The following CDIN1 variants were observed in gnomAD, a reference collection of about 807,000 sequenced individuals.
The protein encoded by CDIN1 is CDAN1-interacting nuclease 1.
CDIN1 carries 33 observed loss-of-function variants against 45.3 expected under a neutral mutation model. That is an observed-to-expected ratio of 0.73 (90% CI 0.55 to 0.97). The LOEUF (loss-of-function observed/expected upper bound fraction) is 0.97, where lower values mean the gene tolerates loss of function less well. CDIN1 is among the 50% of genes least tolerant of loss of function. The pLI is 0.00. For synonymous variants in CDIN1, 118 were observed against 124.4 expected (o/e 0.95, Z 0.34); for missense variants, 303 against 339.4 (o/e 0.89, Z 0.84).
At chr15:36,615,142 C>T (rs2038829504) in intron 1 of CDIN1, among the ~76,000 whole-genome samples, 1 of 152,202 alleles carries the variant, frequency 6.6e-6, no homozygotes, top group Admixed American at 6.5e-5. Flanking sequence ...AGCTTACGTA[C>T]AAAACTTTTT....
intron 5 of CDIN1, among the ~76,000 whole-genome samples, chr15:36,680,670 T>A (rs996042403): frequency 1.3e-5 from 2 of 152,162 alleles, no homozygotes; most frequent in East Asian, 3.8e-4. Context: ...AGAGCCGGAA[T>A]TGAGCTTCCA....
At chr15:36,800,903 G>GTATATATATATA (rs1372710724) in intron 10 of CDIN1, among the ~76,000 whole-genome samples, 8 of 20,016 alleles carry the variant, frequency 4.0e-4, no homozygotes, top group African/African-American at 5.0e-4. Context: ...GTGTGTGTGT[G>GTATATATATATA]TGTGTGTATA....
intron 1 of CDIN1, among the ~76,000 whole-genome samples, chr15:36,590,104 G>C (rs2037504794): frequency 6.6e-6 from 1 of 152,148 alleles, no homozygotes; most frequent in African/African-American, 2.4e-5. Flanking sequence ...TCACTTTCAA[G>C]TTACGTCTCT....
At chr15:36,666,727 T>C (rs1013129113) in intron 5 of CDIN1, among the ~76,000 whole-genome samples, 4 of 152,212 alleles carry the variant, frequency 2.6e-5, no homozygotes, top group Admixed American at 2.6e-4. Context: ...CATTTCTTGG[T>C]TCCCATTATG....
chr15:36,630,814 AGAG>A (rs955221727), intron 1 of CDIN1, among the ~76,000 whole-genome samples: 4 of 152,068 alleles, frequency 2.6e-5, no homozygotes, highest in East Asian at 3.9e-4. Flanking sequence ...ACATGGTGAG[AGAG>A]GAGGAGGAGG....
intron 5 of CDIN1, among the ~76,000 whole-genome samples, chr15:36,679,010 C>A (rs1018132713): frequency 6.6e-6 from 1 of 152,178 alleles, no homozygotes; most frequent in Non-Finnish European, 1.5e-5. Context: ...GGGGAAAATT[C>A]TTCTATTATG....
At position 36,764,220 on chromosome 15, in the gene CDIN1, T is replaced by G. The variant is rs866357628; in HGVS notation, c.717-44104T>G. On this transcript the variant is annotated intron_variant, in intron 10 of 10. Coordinates refer to ENST00000566621, the MANE Select transcript of CDIN1 (RefSeq NM_001321759.2). ...TTTTCTTTCTGTGGTTTTGGTTTTT[T>G]TTTTTTTTTTTTTGTCATTGTGAAA... Among the ~76,000 whole-genome samples, 1,108 of 119,904 alleles carry G rather than the reference T, an allele frequency of 9.2e-3. 18 individuals are homozygous for G. Among genetic ancestry groups the G allele is most frequent in the African/African-American group, 0.031 (1,051 of 34,442 alleles). The allele number at this position is 119,904 out of a possible 152,430, so 78.7% of individuals were successfully genotyped here. A position where few individuals can be genotyped will look rare whatever the true frequency, so the allele number is the denominator to read the frequency against.
At chr15:36,774,000 C>T (rs985382099) in intron 10 of CDIN1, among the ~76,000 whole-genome samples, 4 of 152,146 alleles carry the variant, frequency 2.6e-5, no homozygotes, top group Admixed American at 6.5e-5. Context: ...AGTTGAACTG[C>T]GAAGAGATTT....
chr15:36,670,270 CAT>C (rs1457342829), intron 5 of CDIN1, among the ~76,000 whole-genome samples: 1 of 152,028 alleles, frequency 6.6e-6, no homozygotes, highest in Non-Finnish European at 1.5e-5. Context: ...ACTGAGCAAA[CAT>C]ATATCCTTGT....
chr15:36,745,429 A>G (rs1215950689), intron 10 of CDIN1, among the ~76,000 whole-genome samples: 1 of 152,154 alleles, frequency 6.6e-6, no homozygotes, highest in Non-Finnish European at 1.5e-5. Flanking sequence ...TGGTCTCATT[A>G]TTATTTTAAA....
At position 36,809,685 on chromosome 15, in the gene CDIN1, T is replaced by C. The variant is rs1020026970; in HGVS notation, c.*1232T>C. The C allele has an allele frequency of 2.0e-5, 3 of 152,200 alleles. No homozygotes were observed. Among genetic ancestry groups the C allele is most frequent in the Admixed American group, 6.5e-5 (1 of 15,280 alleles). 9.4% of individuals were successfully genotyped at this position (152,200 alleles called of 1,614,324 possible). A position where few individuals can be genotyped will look rare whatever the true frequency, so the allele number is the denominator to read the frequency against. ...ACATAACAACTTTTATAATGTTGAA[T>C]AGATGATATGGGAAATACTAATAAC... On this transcript the variant is annotated 3_prime_UTR_variant, in exon 11 of 11. Transcript: ENST00000566621.
chr15:36,747,764 A>G (rs74008763), intron 10 of CDIN1, among the ~76,000 whole-genome samples: 2,729 of 152,278 alleles, frequency 0.018, 60 homozygotes, highest in African/African-American at 0.063. Context: ...ACTTTGACAT[A>G]GAGAACTCTT....
chr15:36,692,105 C>G (rs1019076924), intron 6 of CDIN1, 21 bp from the exon 7 acceptor site: 5 of 1,612,896 alleles, frequency 3.1e-6, no homozygotes, highest in South Asian at 1.1e-5. Context: ...ACCCCAGACC[C>G]CTTTTCTTAT....
intron 10 of CDIN1, among the ~76,000 whole-genome samples, chr15:36,788,156 G>A (rs1595599713): frequency 9.2e-6 from 1 of 109,066 alleles, no homozygotes; most frequent in Admixed American, 1.4e-4. Flanking sequence ...CACTCCTGTT[G>A]CCCAGGCTGG....
At chr15:36,691,579 T>A in intron 5 of CDIN1, 106 bp from the exon 6 acceptor site, 1 of 667,674 alleles carries the variant, frequency 1.5e-6, no homozygotes. Context: ...ATGCCAGTCA[T>A]ATTTTTGTTT....
intron 10 of CDIN1, among the ~76,000 whole-genome samples, chr15:36,726,617 A>T (rs2043636189): frequency 6.6e-6 from 1 of 152,238 alleles, no homozygotes; most frequent in South Asian, 2.1e-4. Flanking sequence ...ACATGGATTA[A>T]TGTTACTTAA....
intron 10 of CDIN1, among the ~76,000 whole-genome samples, chr15:36,714,729 C>T (rs1358500452): frequency 6.6e-6 from 1 of 152,150 alleles, no homozygotes; most frequent in Non-Finnish European, 1.5e-5. Flanking sequence ...CATATCCAAG[C>T]TCCACGTACA....
intron 10 of CDIN1, among the ~76,000 whole-genome samples, chr15:36,743,493 G>C (rs994219375): frequency 2.0e-5 from 3 of 152,096 alleles, no homozygotes; most frequent in African/African-American, 7.2e-5. Flanking sequence ...ACTAATCCTA[G>C]TATCAGTGGA....
intron 5 of CDIN1, among the ~76,000 whole-genome samples, chr15:36,675,445 C>T (rs1341969956): frequency 6.6e-6 from 1 of 152,076 alleles, no homozygotes; most frequent in Non-Finnish European, 1.5e-5. Context: ...GTGATGCTTA[C>T]AGAACAAGTG....
Sources: allele counts gnomAD v4.1 joint callset (sites outside exome capture counted in the v4.1 genomes callset), GRCh38; gene constraint gnomAD v4.1.1; transcripts MANE v1.5; gene names NCBI Gene and HGNC (gene_info 2026-07-23, HGNC 2026-07-21).